OGFOD1: variants seen among roughly 807,000 people sequenced by gnomAD.
OGFOD1 encodes prolyl 3-hydroxylase OGFOD1.
In OGFOD1, 54 loss-of-function variants were observed where a neutral mutation model predicts 67.7. The observed-to-expected ratio is 0.80, with a 90% CI of 0.64 to 1.00. The LOEUF is 1.00. Ranked by LOEUF, OGFOD1 falls within the 50% of genes least tolerant of loss-of-function variation. The pLI is 0.00. For missense variants in OGFOD1, 606 were observed against 646.7 expected, an observed-to-expected ratio of 0.94 and a Z score of 0.68; for synonymous variants, 221 against 227.0, an observed-to-expected ratio of 0.97 and a Z score of 0.24.
At chr16:56,468,816 G>C (rs1162950624) in intron 8 of OGFOD1, among the ~76,000 whole-genome samples, 1 of 152,090 alleles carries the variant, frequency 6.6e-6, no homozygotes, top group Admixed American at 6.6e-5. Context: ...ATCACTCTGG[G>C]TATTTATTTT....
chr16:56,465,984 T>C, intron 4 of OGFOD1, 168 bp from the exon 5 acceptor site: 1 of 554,168 alleles, frequency 1.8e-6, no homozygotes, highest in Non-Finnish European at 3.2e-6. Flanking sequence ...TTGACTTATT[T>C]GTTTACTTAT....
intron 10 of OGFOD1, among the ~76,000 whole-genome samples, chr16:56,473,147 G>T (rs1280850237): frequency 2.0e-5 from 3 of 152,022 alleles, no homozygotes; most frequent in Admixed American, 6.5e-5. Flanking sequence ...AGCCAGGATG[G>T]TCTCCATCTC....
At chr16:56,472,915 G>C (rs1963264785) in intron 10 of OGFOD1, among the ~76,000 whole-genome samples, 1 of 149,052 alleles carries the variant, frequency 6.7e-6, no homozygotes, top group South Asian at 2.2e-4. Context: ...AAGCAGTTTT[G>C]CTTTTTTTGT....
intron 4 of OGFOD1, 35 bp downstream of exon 4, chr16:56,462,669 T>C (rs776609543): frequency 4.0e-6 from 5 of 1,260,684 alleles, no homozygotes; most frequent in Admixed American, 3.4e-5. Flanking sequence ...CTGTAAGATA[T>C]AAAGGCTTTA....
In OGFOD1 at chr16:56,478,188, T is replaced by C. The variant is rs1257794746; in HGVS notation, c.*1983T>C. ...TTTTTTTTGCGTTTGAGATGGAGTC[T>C]CACTCTGTGGCCCAGGCTGGAGTAC... On this transcript the variant is annotated 3_prime_UTR_variant, in exon 13 of 13. Coordinates refer to ENST00000566157, the MANE Select transcript of OGFOD1 (RefSeq NM_018233.4). The C allele has an allele frequency of 6.6e-6, 1 of 152,182 alleles. No homozygotes were observed. The highest frequency in any genetic ancestry group is 1.9e-4 in the East Asian group (1 of 5,194). The allele number at this position is 152,182 out of a possible 1,614,324, so 9.4% of individuals were successfully genotyped here.
intron 10 of OGFOD1, among the ~76,000 whole-genome samples, chr16:56,472,659 T>A (rs1393142130): frequency 6.6e-6 from 1 of 152,124 alleles, no homozygotes; most frequent in African/African-American, 2.4e-5. Context: ...AAAATAATAA[T>A]CTACAAGTGG....
Position 56,466,185 on chromosome 16 carries a change from G to A in OGFOD1, c.482G>A (p.Gly161Glu). The A allele has an allele frequency of 2.5e-6, 4 of 1,614,096 alleles. No individual in the cohort carries two copies. The highest frequency in any genetic ancestry group is 3.4e-6 in the Non-Finnish European group (4 of 1,179,998). ...CTGTGCCATGATGATGAGCTGGAAGGGCGCCGGATTGCCTTCATCCTGTAC... is the reference window on the plus strand; with the variant it reads ...CTGTGCCATGATGATGAGCTGGAAGAGCGCCGGATTGCCTTCATCCTGTAC... Reference protein sequence around the residue: ...ALLCHDDELEGRRIAFILYLV... With the variant: ...ALLCHDDELEERRIAFILYLV... Residue 161 changes from glycine (G) to glutamate (E), a missense_variant, in exon 5 of 13, where the codon GGG becomes GAG. Gly to Glu is a moderately conservative substitution (Grantham distance 98). Transcript: ENST00000566157.
At chr16:56,453,569 G>A in intron 2 of OGFOD1, 161 bp downstream of exon 2, 1 of 628,398 alleles carries the variant, frequency 1.6e-6, no homozygotes, top group East Asian at 2.9e-5. Flanking sequence ...AGCTTACTGA[G>A]TGTTAACTAT....
Position 56,476,397 on chromosome 16 carries a change from T to A in OGFOD1, c.*192T>A. The A allele has an allele frequency of 2.7e-6, 1 of 371,714 alleles. No individual in the cohort carries two copies. Among genetic ancestry groups the A allele is most frequent in the Non-Finnish European group, 4.7e-6 (1 of 215,026 alleles). The allele number at this position is 371,714 out of a possible 1,614,324, so 23.0% of individuals were successfully genotyped here. On this transcript the variant is annotated 3_prime_UTR_variant, in exon 13 of 13. Coordinates refer to ENST00000566157, the MANE Select transcript of OGFOD1 (RefSeq NM_018233.4). The stretch of plus-strand genomic sequence containing the variant: ...TTGAGCTTGCAGCTAAGTACTTATC[T>A]CTTGATTAAAAAAAAAAAGTTGGCT...
intron 10 of OGFOD1, 124 bp downstream of exon 10, chr16:56,470,915 AC>A: frequency 2.2e-6 from 2 of 916,526 alleles, no homozygotes; most frequent in Non-Finnish European, 3.2e-6. Flanking sequence ...GAACTGAAGG[AC>A]AAAACAGACA....
intron 6 of OGFOD1, 31 bp from the exon 7 acceptor site, chr16:56,467,134 T>C: frequency 6.2e-7 from 1 of 1,613,956 alleles, no homozygotes; most frequent in South Asian, 1.1e-5. Flanking sequence ...CTATTCTTCG[T>C]GTTGATGTGC....
At chr16:56,470,201 C>G in intron 9 of OGFOD1, 119 bp downstream of exon 9, 1 of 874,514 alleles carries the variant, frequency 1.1e-6, no homozygotes, top group Non-Finnish European at 1.8e-6. Flanking sequence ...ACAGGCAGTT[C>G]ATGAAAGAAA....
intron 10 of OGFOD1, among the ~76,000 whole-genome samples, chr16:56,473,679 A>G (rs1297012693): frequency 6.0e-5 from 9 of 150,474 alleles, no homozygotes; most frequent in Non-Finnish European, 8.9e-5. Flanking sequence ...GCGTGGTTGT[A>G]TATTTTTCCC....
chr16:56,456,360 T>G (rs776058397), intron 2 of OGFOD1, among the ~76,000 whole-genome samples: 3 of 152,240 alleles, frequency 2.0e-5, no homozygotes, highest in Admixed American at 1.3e-4. Context: ...CAGGCTTCTA[T>G]TGGGTCTCAT....
At chr16:56,453,542 A>T in intron 2 of OGFOD1, 134 bp downstream of exon 2, 1 of 783,928 alleles carries the variant, frequency 1.3e-6, no homozygotes, top group South Asian at 2.0e-5. Flanking sequence ...TCTTAAGAGC[A>T]TGCCTTCATT....
At chr16:56,466,707 C>G in intron 5 of OGFOD1, 169 bp from the exon 6 acceptor site, 1 of 649,836 alleles carries the variant, frequency 1.5e-6, no homozygotes, top group South Asian at 1.8e-5. Flanking sequence ...AGAACAGATG[C>G]CACGTAGTCA....
intron 10 of OGFOD1, among the ~76,000 whole-genome samples, chr16:56,474,242 G>A (rs1348716055): frequency 9.3e-5 from 14 of 149,966 alleles, no homozygotes; most frequent in African/African-American, 2.5e-4. Context: ...TATTCATGTC[G>A]TATTTTTTAT....
At chr16:56,460,902 G>T (rs1467761475) in intron 3 of OGFOD1, among the ~76,000 whole-genome samples, 2 of 152,114 alleles carry the variant, frequency 1.3e-5, no homozygotes, top group African/African-American at 4.8e-5. Flanking sequence ...AAAGTTGATT[G>T]GCTGAGTGAG....
At chr16:56,455,614 G>A (rs2143970302) in intron 2 of OGFOD1, among the ~76,000 whole-genome samples, 1 of 152,128 alleles carries the variant, frequency 6.6e-6, no homozygotes. Flanking sequence ...TTTGCTTGTG[G>A]TATGAATTGA....
Sources: allele counts gnomAD v4.1 joint callset (sites outside exome capture counted in the v4.1 genomes callset), GRCh38; gene constraint gnomAD v4.1.1; transcripts MANE v1.5; gene names NCBI Gene and HGNC (gene_info 2026-07-23, HGNC 2026-07-21).